Variants in SCIN observed in about 807,000 individuals in gnomAD.
The protein encoded by SCIN is adseverin.
A neutral mutation model predicts 91.8 loss-of-function variants in SCIN; 91 were observed. The observed-to-expected ratio is 0.99, with a 90% CI of 0.84 to 1.18. SCIN has a LOEUF of 1.18. Among genes scored for constraint, SCIN ranks in the 50% most tolerant of loss-of-function variants. The pLI is 0.00. For missense variants in SCIN, 1,087 were observed against 863.9 expected, an observed-to-expected ratio of 1.26 and a Z score of -3.24; for synonymous variants, 367 against 312.6, an observed-to-expected ratio of 1.17 and a Z score of -1.84.
At chr7:12,587,971 G>A (rs1262034876) in intron 3 of SCIN, among the ~76,000 whole-genome samples, 1 of 152,088 alleles carries the variant, frequency 6.6e-6, no homozygotes, top group African/African-American at 2.4e-5. Flanking sequence ...CTTACTCCTG[G>A]CCAAAAAGCT....
chr7:12,599,885 T>C (rs899190053), intron 3 of SCIN, among the ~76,000 whole-genome samples: 3 of 152,212 alleles, frequency 2.0e-5, no homozygotes, highest in Non-Finnish European at 2.9e-5. Flanking sequence ...TGATGTGTTT[T>C]TGAGTTCTTT....
intron 4 of SCIN, among the ~76,000 whole-genome samples, chr7:12,619,011 C>T (rs1432068671): frequency 6.6e-6 from 1 of 152,040 alleles, no homozygotes; most frequent in Non-Finnish European, 1.5e-5. Context: ...TAAGGCAAAA[C>T]TCCTAACTTC....
chr7:12,636,205 C>G, intron 10 of SCIN, 70 bp downstream of exon 10: 9 of 1,078,800 alleles, frequency 8.3e-6, no homozygotes, highest in Non-Finnish European at 1.2e-5. Context: ...AGCTATAGCT[C>G]CCTCCCAAGT....
chr7:12,596,735 T>G (rs916171320), intron 3 of SCIN, among the ~76,000 whole-genome samples: 4 of 151,996 alleles, frequency 2.6e-5, no homozygotes, highest in African/African-American at 9.7e-5. Flanking sequence ...GAGAATATAA[T>G]TTCACCTGTG....
chr7:12,600,197 G>A (rs534880230), intron 3 of SCIN, among the ~76,000 whole-genome samples: 50 of 152,230 alleles, frequency 3.3e-4, no homozygotes, highest in African/African-American at 1.1e-3. Context: ...AATGGCATTC[G>A]CATGCACCTT....
At chr7:12,634,740 C>T (rs117894569) in intron 9 of SCIN, among the ~76,000 whole-genome samples, 4,893 of 152,220 alleles carry the variant, frequency 0.032, 82 homozygotes, top group African/African-American at 0.039. Context: ...CATCAAACAG[C>T]AGATCTCCCA....
At chr7:12,619,578 T>A (rs1234576521) in intron 4 of SCIN, among the ~76,000 whole-genome samples, 1 of 151,976 alleles carries the variant, frequency 6.6e-6, no homozygotes, top group Non-Finnish European at 1.5e-5. Flanking sequence ...CCAAGGGTGG[T>A]CTTGAGACAG....
intron 15 of SCIN, among the ~76,000 whole-genome samples, 178 bp from the exon 16 acceptor site, chr7:12,652,410 A>G (rs1784098505): frequency 6.6e-6 from 1 of 152,222 alleles, no homozygotes; most frequent in Admixed American, 6.5e-5. Flanking sequence ...GTCAATGGAA[A>G]TTTATTACTT....
Position 12,578,245 on chromosome 7 carries a change from T to C in SCIN, c.354+27T>C, listed in dbSNP as rs376932291. ...TAAGCAGCTCCCTCAGTTTCCATTA[T>C]GAATCCCTTTCTCCTCTTGTCCATC... is the stretch of plus-strand genomic sequence containing the variant. On this transcript the variant is annotated intron_variant, in intron 2 of 15. Transcript: ENST00000297029. 1,468 of 1,534,424 alleles carry C rather than the reference T, an allele frequency of 9.6e-4. 27 individuals are homozygous for C. The South Asian group carries it at 0.017, about 18-fold the overall frequency.
chr7:12,633,850 G>T (rs912292369), intron 9 of SCIN, among the ~76,000 whole-genome samples: 3 of 152,144 alleles, frequency 2.0e-5, no homozygotes, highest in Non-Finnish European at 2.9e-5. Context: ...AGATGTGTTG[G>T]CTAGCATTAT....
Position 12,603,516 on chromosome 7 carries a change from A to G in SCIN, c.517-998A>G, listed in dbSNP as rs568456591. Among the ~76,000 whole-genome samples the G allele has an allele frequency of 3.3e-5, 5 of 152,218 alleles. No individual in the cohort carries two copies. In the East Asian group the frequency reaches 9.6e-4, roughly 29 times the overall value. Reference sequence around the variant, plus strand: ...GTTTATACCACCCAAATAGTGGGTGATAATGCCCACTCCCACAGCCACTCC... The same window carrying G: ...GTTTATACCACCCAAATAGTGGGTGGTAATGCCCACTCCCACAGCCACTCC... On this transcript the variant is annotated intron_variant, in intron 3 of 15. Transcript: ENST00000297029.
At chr7:12,650,925 C>A (rs1784066419) in intron 14 of SCIN, among the ~76,000 whole-genome samples, 1 of 152,086 alleles carries the variant, frequency 6.6e-6, no homozygotes, top group South Asian at 2.1e-4. Context: ...TCTCTTCCAG[C>A]CAAGATCCAC....
rs1239772942 is a variant in SCIN at position 12,592,741 on chromosome 7, G to T, written c.516+11520G>T. 4.0e-5 allele frequency among the ~76,000 whole-genome samples: 6 copies of T among 151,860 alleles called. No homozygotes were observed. In the East Asian group the frequency reaches 9.8e-4, roughly 25 times the overall value. On this transcript the variant is annotated intron_variant, in intron 3 of 15. Coordinates refer to ENST00000297029, the MANE Select transcript of SCIN (RefSeq NM_001112706.3). ...GCATCAAACAGGGAACAAGTAAGAG[G>T]TCTGGTGGCAAGCGGACAAGAGATG...
In SCIN at chr7:12,570,800, T is replaced by A. The variant is rs755706286; in HGVS notation, c.14T>A (p.Leu5Gln). Reference sequence around the variant, plus strand: ...CGTGCAGGAGCCATGGCGCGGGAGCTATACCACGAAGAGTTCGCCCGGGCG... The same window carrying A: ...CGTGCAGGAGCCATGGCGCGGGAGCAATACCACGAAGAGTTCGCCCGGGCG... MARE[L>Q]YHEEFARAGK... The change falls in exon 1 of 16, where the codon CTA becomes CAA. Residue 5 changes from leucine (L) to glutamine (Q), a missense_variant. Physicochemically the swap from Leu to Gln is moderately radical, Grantham distance 113. Transcript: ENST00000297029. 2 of 1,551,228 alleles carry A rather than the reference T, an allele frequency of 1.3e-6. No individual in the cohort carries two copies. The highest frequency in any genetic ancestry group is 2.7e-5 in the African/African-American group (2 of 73,184).
chr7:12,607,789 G>T (rs911009408), intron 4 of SCIN, among the ~76,000 whole-genome samples: 1 of 152,170 alleles, frequency 6.6e-6, no homozygotes, highest in African/African-American at 2.4e-5. Flanking sequence ...CTGATTACAA[G>T]AAAGAGTAAT....
intron 14 of SCIN, among the ~76,000 whole-genome samples, chr7:12,650,463 G>C (rs1277855878): frequency 6.6e-6 from 1 of 152,024 alleles, no homozygotes; most frequent in East Asian, 1.9e-4. Context: ...GGTACTTTTT[G>C]GAAGATTTCC....
chr7:12,587,917 G>A lies in SCIN; in HGVS notation c.516+6696G>A, dbSNP rs10267708. On this transcript the variant is annotated intron_variant, in intron 3 of 15. Coordinates refer to ENST00000297029, the MANE Select transcript of SCIN (RefSeq NM_001112706.3). ...CACTCCAGCCCCTAAGACCCACACC[G>A]TACTGCTTAAGATGCAAAACCAGCT... is the stretch of plus-strand genomic sequence containing the variant. Among the ~76,000 whole-genome samples the A allele has an allele frequency of 7.1e-3, 1,085 of 152,188 alleles. 15 individuals are homozygous for A. Among genetic ancestry groups the A allele is most frequent in the African/African-American group, 0.024 (1,000 of 41,510 alleles).
intron 13 of SCIN, among the ~76,000 whole-genome samples, chr7:12,645,559 G>A (rs1783949430): frequency 6.6e-6 from 1 of 152,058 alleles, no homozygotes; most frequent in African/African-American, 2.4e-5. Context: ...TTGTGTTGTG[G>A]GAGTTTGTTG....
At chr7:12,607,310 G>A (rs1783098096) in intron 4 of SCIN, among the ~76,000 whole-genome samples, 1 of 152,126 alleles carries the variant, frequency 6.6e-6, no homozygotes, top group Non-Finnish European at 1.5e-5. Flanking sequence ...CCACTCATTT[G>A]CCACTTGTAG....
Sources: gnomAD v4.1 joint callset for allele counts (sites outside exome capture counted in the v4.1 genomes callset) on GRCh38, gnomAD v4.1.1 for gene constraint, MANE v1.5 for transcripts, NCBI Gene and HGNC (gene_info 2026-07-23, HGNC 2026-07-21) for gene names.